The following UNC5D variants were observed in gnomAD, a reference collection of about 807,000 sequenced individuals.
The protein encoded by UNC5D is netrin receptor UNC5D.
Under a neutral mutation model 105.4 loss-of-function variants are expected in UNC5D, and 39 were observed. The observed-to-expected ratio is 0.37, with a 90% CI of 0.29 to 0.48. The LOEUF (loss-of-function observed/expected upper bound fraction) is 0.48. Ranked by LOEUF, UNC5D falls within the 20% of genes least tolerant of loss-of-function variation. The probability of loss-of-function intolerance (pLI) is 0.98; values close to 1 mark genes in which losing one functional copy is unlikely to be tolerated. For missense variants in UNC5D, 991 were observed against 1,202.4 expected, an observed-to-expected ratio of 0.82 and a Z score of 2.60; for synonymous variants, 452 against 450.4, an observed-to-expected ratio of 1.00 and a Z score of -0.04.
At chr8:35,450,244 A>G (rs1052615011) in intron 1 of UNC5D, among the ~76,000 whole-genome samples, 2 of 152,166 alleles carry the variant, frequency 1.3e-5, no homozygotes, top group Admixed American at 6.6e-5. Flanking sequence ...CTAGTGACTC[A>G]CTAAAACTCC....
At chr8:35,578,011 G>A (rs903905244) in intron 3 of UNC5D, among the ~76,000 whole-genome samples, 1 of 151,962 alleles carries the variant, frequency 6.6e-6, no homozygotes, top group Admixed American at 6.6e-5. Context: ...GATCACTTGA[G>A]GTCAGGAGTT....
At chr8:35,333,849 A>G (rs1011599764) in intron 1 of UNC5D, among the ~76,000 whole-genome samples, 1 of 152,206 alleles carries the variant, frequency 6.6e-6, no homozygotes, top group South Asian at 2.1e-4. Context: ...GTACTTTACT[A>G]CAGTATTTTA....
chr8:35,430,714 T>A (rs1029893085), intron 1 of UNC5D, among the ~76,000 whole-genome samples: 4 of 152,148 alleles, frequency 2.6e-5, no homozygotes, highest in Admixed American at 6.5e-5. Context: ...AACCTCCACA[T>A]ATATATGGTC....
chr8:35,544,308 G>C, intron 1 of UNC5D: 1 of 1,403,954 alleles, frequency 7.1e-7, no homozygotes, highest in Middle Eastern at 2.2e-4. Flanking sequence ...AGCTTGGAGT[G>C]CTGGCTTTGT....
chr8:35,525,497 G>T, intron 1 of UNC5D: 1 of 1,612,260 alleles, frequency 6.2e-7, no homozygotes, highest in Non-Finnish European at 8.5e-7. Flanking sequence ...TCCGTGCTTT[G>T]CTGGCAAGCT....
chr8:35,656,394 A>G (rs1012564265), intron 4 of UNC5D, among the ~76,000 whole-genome samples: 3 of 152,236 alleles, frequency 2.0e-5, no homozygotes, highest in Non-Finnish European at 2.9e-5. Flanking sequence ...TTTTCTGAGA[A>G]GTTGACAGTT....
intron 1 of UNC5D, among the ~76,000 whole-genome samples, chr8:35,300,002 T>A (rs1807807754): frequency 6.6e-6 from 1 of 152,132 alleles, no homozygotes; most frequent in Non-Finnish European, 1.5e-5. Flanking sequence ...TGCTAATTTG[T>A]ACAAGAGAAA....
intron 4 of UNC5D, among the ~76,000 whole-genome samples, chr8:35,629,160 G>A (rs1026858703): frequency 1.3e-5 from 2 of 152,118 alleles, no homozygotes; most frequent in Non-Finnish European, 2.9e-5. Flanking sequence ...GCAATGTTTT[G>A]TGCTTTAAGT....
At chr8:35,476,684 A>G (rs1199718534) in intron 1 of UNC5D, among the ~76,000 whole-genome samples, 3 of 152,158 alleles carry the variant, frequency 2.0e-5, no homozygotes, top group Admixed American at 1.3e-4. Flanking sequence ...CTGAAAGGCT[A>G]CTGTCCTAGA....
At chr8:35,431,980 T>A (rs1806671609) in intron 1 of UNC5D, among the ~76,000 whole-genome samples, 1 of 152,156 alleles carries the variant, frequency 6.6e-6, no homozygotes, top group Admixed American at 6.6e-5. Context: ...GTATTAAAAT[T>A]AATTTTATGA....
At chr8:35,604,078 C>T (rs192266647) in intron 4 of UNC5D, among the ~76,000 whole-genome samples, 27 of 152,264 alleles carry the variant, frequency 1.8e-4, no homozygotes, top group Admixed American at 8.5e-4. Flanking sequence ...GAATTTGATC[C>T]TGTCATTATG....
intron 9 of UNC5D, among the ~76,000 whole-genome samples, chr8:35,725,868 A>G (rs1488287655): frequency 6.6e-6 from 1 of 152,180 alleles, no homozygotes; most frequent in Non-Finnish European, 1.5e-5. Flanking sequence ...GTTGCCAGAG[A>G]GAGTGCCAGA....
intron 7 of UNC5D, among the ~76,000 whole-genome samples, chr8:35,689,300 GT>G (rs1467750168): frequency 3.9e-5 from 6 of 152,178 alleles, no homozygotes; most frequent in Non-Finnish European, 7.3e-5. Context: ...CATTGTAATA[GT>G]TTGTCATTTA....
At chr8:35,437,102 C>T (rs1245212048) in intron 1 of UNC5D, among the ~76,000 whole-genome samples, 1 of 151,860 alleles carries the variant, frequency 6.6e-6, no homozygotes, top group Non-Finnish European at 1.5e-5. Flanking sequence ...GCTTCATGAG[C>T]ACCTGGGATT....
At chr8:35,682,125 C>A (rs938767412) in intron 4 of UNC5D, among the ~76,000 whole-genome samples, 1 of 152,020 alleles carries the variant, frequency 6.6e-6, no homozygotes, top group Non-Finnish European at 1.5e-5. Flanking sequence ...CCACCACACC[C>A]GGCTAATTTT....
chr8:35,240,063 G>A (rs1017597777), intron 1 of UNC5D, among the ~76,000 whole-genome samples: 1 of 152,072 alleles, frequency 6.6e-6, no homozygotes, highest in South Asian at 2.1e-4. Context: ...AGCCTCTTGA[G>A]TAGCTGGGAC....
chr8:35,533,771 C>T (rs1586069770), intron 1 of UNC5D, among the ~76,000 whole-genome samples: 1 of 152,218 alleles, frequency 6.6e-6, no homozygotes, highest in Non-Finnish European at 1.5e-5. Context: ...TTTAGCCGGT[C>T]TGAAAAGCAC....
chr8:35,434,669 A>G (rs1311836097), intron 1 of UNC5D, among the ~76,000 whole-genome samples: 15 of 152,146 alleles, frequency 9.9e-5, no homozygotes, highest in Non-Finnish European at 2.1e-4. Context: ...CAGTTCCACA[A>G]TTTAATTAGA....
Position 35,771,115 on chromosome 8 carries a change from T to G in UNC5D, c.2479-3184T>G, listed in dbSNP as rs1323698450. Among the ~76,000 whole-genome samples, 3 of 152,312 alleles carry G rather than the reference T, an allele frequency of 2.0e-5. No individual in the cohort carries two copies. The South Asian group carries it at 6.2e-4, about 32-fold the overall frequency. On this transcript the variant is annotated intron_variant, in intron 15 of 16. Transcript: ENST00000404895. ...TAAGAGGGAAATAGGGACCCACTTATTAATGTGTAGTAAATTGAAAAATTA... is the reference window on the plus strand; with the variant it reads ...TAAGAGGGAAATAGGGACCCACTTAGTAATGTGTAGTAAATTGAAAAATTA...
Sources: allele counts gnomAD v4.1 joint callset (sites outside exome capture counted in the v4.1 genomes callset), GRCh38; gene constraint gnomAD v4.1.1; transcripts MANE v1.5; gene names NCBI Gene and HGNC (gene_info 2026-07-23, HGNC 2026-07-21).